The following PRKCI variants were observed in gnomAD, a reference collection of about 807,000 sequenced individuals.
PRKCI encodes the protein protein kinase C iota type.
Under a neutral mutation model 84.0 loss-of-function variants are expected in PRKCI, and 43 were observed. That is an observed-to-expected ratio of 0.51 (90% confidence interval 0.40 to 0.66). The LOEUF (loss-of-function observed/expected upper bound fraction) is 0.66, where lower values mean the gene tolerates loss of function less well. Ranked by LOEUF, PRKCI falls within the 30% of genes least tolerant of loss-of-function variation. The probability of loss-of-function intolerance (pLI) is 0.00; values close to 1 mark genes in which losing one functional copy is unlikely to be tolerated. For synonymous variants in PRKCI, 216 were observed against 234.4 expected (o/e 0.92, Z 0.72); for missense variants, 459 against 745.6 (o/e 0.62, Z 4.48).
At chr3:170,245,429 T>G (rs13325364) in intron 2 of PRKCI, among the ~76,000 whole-genome samples, 4,894 of 152,178 alleles carry the variant, frequency 0.032, 249 homozygotes, top group African/African-American at 0.11. Context: ...AACTCACACA[T>G]CTGGTGTCGG....
chr3:170,237,102 A>G (rs1363827009), intron 2 of PRKCI, among the ~76,000 whole-genome samples: 1 of 152,190 alleles, frequency 6.6e-6, no homozygotes, highest in Non-Finnish European at 1.5e-5. Context: ...TTTTTGAGGT[A>G]GAGGAGGTGA....
rs1734261669 is a variant in PRKCI at position 170,282,038 on chromosome 3, G to A, written c.1067+70G>A. 4 of 1,478,934 alleles carry A rather than the reference G, an allele frequency of 2.7e-6. No individual in the cohort carries two copies. In the East Asian group the frequency reaches 9.2e-5, roughly 34 times the overall value. 91.6% of individuals were successfully genotyped at this position (1,478,934 alleles called of 1,614,324 possible). A position where few individuals can be genotyped will look rare whatever the true frequency, so the allele number is the denominator to read the frequency against. On this transcript the variant is annotated intron_variant, in intron 11 of 17. Coordinates refer to ENST00000295797, the MANE Select transcript of PRKCI (RefSeq NM_002740.6). ...TGTGGCTTTTTATGTGCAGTGGTTGGAAACAGTAGATAAATAATTTATTTT... is the reference window on the plus strand; with the variant it reads ...TGTGGCTTTTTATGTGCAGTGGTTGAAAACAGTAGATAAATAATTTATTTT...
intron 1 of PRKCI, among the ~76,000 whole-genome samples, chr3:170,231,222 G>C (rs1732786980): frequency 6.6e-6 from 1 of 151,700 alleles, no homozygotes; most frequent in Non-Finnish European, 1.5e-5. Flanking sequence ...CGGCCTCCCG[G>C]AGTGTTGAGA....
intron 2 of PRKCI, among the ~76,000 whole-genome samples, chr3:170,254,504 G>C (rs73034367): frequency 0.017 from 2,591 of 152,228 alleles, 84 homozygotes; most frequent in African/African-American, 0.059. Flanking sequence ...TAGGGGTCTA[G>C]TTTCATTCAT....
chr3:170,294,298 G>T lies in PRKCI; in HGVS notation c.1417+790G>T, dbSNP rs146507855. 4.1e-4 allele frequency among the ~76,000 whole-genome samples: 63 copies of T among 152,144 alleles called. No homozygotes were observed. In the East Asian group the frequency reaches 0.012, roughly 29 times the overall value. On this transcript the variant is annotated intron_variant, in intron 14 of 17. Transcript: ENST00000295797. ...GACAGAAACAAGCAGACAAGTGCAG[G>T]GACCTCTAGCACAGAATCCAAAGAA...
chr3:170,265,762 C>T (rs937474782), intron 4 of PRKCI, among the ~76,000 whole-genome samples: 6 of 150,318 alleles, frequency 4.0e-5, no homozygotes, highest in Admixed American at 2.0e-4. Flanking sequence ...CCCACTACCA[C>T]GCCCGTCTAA....
At chr3:170,271,297 A>T (rs1734000071) in intron 6 of PRKCI, among the ~76,000 whole-genome samples, 1 of 152,158 alleles carries the variant, frequency 6.6e-6, no homozygotes, top group African/African-American at 2.4e-5. Flanking sequence ...TCTTGGTTTC[A>T]TCTGTACCCC....
chr3:170,293,765 G>A (rs1734627149), intron 14 of PRKCI, among the ~76,000 whole-genome samples: 2 of 152,106 alleles, frequency 1.3e-5, no homozygotes, highest in Non-Finnish European at 2.9e-5. Flanking sequence ...CAATTCTTCT[G>A]CCTCAGCCTC....
intron 8 of PRKCI, among the ~76,000 whole-genome samples, chr3:170,276,135 C>A (rs1734107692): frequency 6.6e-6 from 1 of 152,010 alleles, no homozygotes; most frequent in Admixed American, 6.6e-5. Context: ...GACAGAGTCT[C>A]ACTATGTTGC....
At chr3:170,233,251 C>A in intron 1 of PRKCI, among the ~76,000 whole-genome samples, 1 of 85,570 alleles carries the variant, frequency 1.2e-5, no homozygotes, top group African/African-American at 4.3e-5. Context: ...GCAATTAGTC[C>A]TAAGGAAAAA....
chr3:170,275,652 A>T (rs529615661), intron 8 of PRKCI, among the ~76,000 whole-genome samples: 1 of 152,262 alleles, frequency 6.6e-6, no homozygotes, highest in Non-Finnish European at 1.5e-5. Context: ...ATTAACTGTC[A>T]TTGTTTTTTT....
At chr3:170,259,892 A>AAT in intron 2 of PRKCI, 77 bp from the exon 3 acceptor site, 1 of 726,954 alleles carries the variant, frequency 1.4e-6, no homozygotes, top group Admixed American at 2.8e-5. Context: ...CTAAAAATTT[A>AAT]CATTATGAAA....
At chr3:170,297,464 G>A (rs1734711817) in intron 16 of PRKCI, 71 bp downstream of exon 16, 1 of 1,290,216 alleles carries the variant, frequency 7.8e-7, no homozygotes. Context: ...TTGTTGTTCT[G>A]TTTGTTTTTA....
intron 15 of PRKCI, among the ~76,000 whole-genome samples, chr3:170,296,824 CTT>C (rs1734694737): frequency 6.6e-6 from 1 of 152,198 alleles, no homozygotes; most frequent in South Asian, 2.1e-4. Context: ...TAAGCCAAGA[CTT>C]TTTATAAGTT....
chr3:170,230,555 C>T (rs970431260), intron 1 of PRKCI, among the ~76,000 whole-genome samples: 1 of 152,224 alleles, frequency 6.6e-6, no homozygotes, highest in Non-Finnish European at 1.5e-5. Flanking sequence ...GTCCCAAACT[C>T]GTGACCTCAA....
intron 10 of PRKCI, 187 bp from the exon 11 acceptor site, chr3:170,281,695 A>G (rs1356706778): frequency 3.0e-6 from 2 of 655,932 alleles, no homozygotes; most frequent in African/African-American, 3.7e-5. Flanking sequence ...TTACAAAATT[A>G]TTATCATGCT....
intron 2 of PRKCI, among the ~76,000 whole-genome samples, chr3:170,256,708 T>C (rs1295102525): frequency 2.0e-5 from 3 of 152,220 alleles, no homozygotes. Context: ...CTACTAATTT[T>C]GTGTTTGGTT....
intron 2 of PRKCI, among the ~76,000 whole-genome samples, chr3:170,243,132 A>C (rs1033660367): frequency 4.6e-5 from 7 of 152,214 alleles, no homozygotes; most frequent in Non-Finnish European, 1.0e-4. Context: ...ATGAGTTTTG[A>C]TACCTAGGAA....
chr3:170,251,954 G>A (rs1357021031), intron 2 of PRKCI, among the ~76,000 whole-genome samples: 5 of 150,884 alleles, frequency 3.3e-5, no homozygotes, highest in Non-Finnish European at 7.4e-5. Context: ...GGTGGCTCAC[G>A]CCTGTAATCC....
Sources: gnomAD v4.1 joint callset for allele counts (sites outside exome capture counted in the v4.1 genomes callset) on GRCh38, gnomAD v4.1.1 for gene constraint, MANE v1.5 for transcripts, NCBI Gene and HGNC (gene_info 2026-07-23, HGNC 2026-07-21) for gene names.